Variants in ADGRB1 observed in about 807,000 individuals in gnomAD.
ADGRB1 encodes the protein brain-specific angiogenesis inhibitor 1.
A neutral mutation model predicts 175.7 loss-of-function variants in ADGRB1; 36 were observed. The ratio of observed to expected loss-of-function variants is 0.20; its 90% CI spans 0.16 to 0.27. The LOEUF (loss-of-function observed/expected upper bound fraction) is 0.27, where lower values mean the gene tolerates loss of function less well. Among genes scored for constraint, ADGRB1 ranks in the 10% least tolerant of loss-of-function variants. The pLI is 1.00. For missense variants in ADGRB1, 1,731 were observed against 2,255.3 expected (o/e 0.77, Z 4.71); for synonymous variants, 1,054 against 979.4 (o/e 1.08, Z -1.42).
At chr8:142,521,253 G>A (rs568043617) in intron 20 of ADGRB1, among the ~76,000 whole-genome samples, 1 of 152,300 alleles carries the variant, frequency 6.6e-6, no homozygotes, top group African/African-American at 2.4e-5. Context: ...GGGCTGGGGA[G>A]TGGCACTCAA....
chr8:142,473,157 G>A (rs1840754624), intron 2 of ADGRB1, among the ~76,000 whole-genome samples: 1 of 152,184 alleles, frequency 6.6e-6, no homozygotes, highest in Non-Finnish European at 1.5e-5. Flanking sequence ...GAACCGAGTG[G>A]CATCCTCCGA....
chr8:142,518,449 T>C (rs1369929360), intron 19 of ADGRB1, among the ~76,000 whole-genome samples: 2 of 152,186 alleles, frequency 1.3e-5, no homozygotes, highest in East Asian at 1.9e-4. Flanking sequence ...ACACTCATAA[T>C]GTGTACATGC....
intron 17 of ADGRB1, among the ~76,000 whole-genome samples, chr8:142,497,504 T>G: frequency 6.8e-6 from 1 of 146,316 alleles, no homozygotes. Flanking sequence ...GGGGGAGGGG[T>G]GCAGGGGGAG....
In ADGRB1 at chr8:142,460,296, A is replaced by C. The variant is rs1839908118; in HGVS notation, c.-219-3684A>C. On this transcript the variant is annotated intron_variant, in intron 1 of 30. Transcript: ENST00000517894. ...GTGGCAGGTGGGGAGGCCCGTGCCCACTGGCAGGCTCAGGGGCCATCAGCC... is the reference window on the plus strand; with the variant it reads ...GTGGCAGGTGGGGAGGCCCGTGCCCCCTGGCAGGCTCAGGGGCCATCAGCC... 2.0e-5 allele frequency among the ~76,000 whole-genome samples: 3 copies of C among 152,300 alleles called. No homozygotes were observed. The South Asian group carries it at 6.2e-4, about 32-fold the overall frequency.
At chr8:142,518,387 C>A in intron 19 of ADGRB1, 146 bp downstream of exon 19, 1 of 769,098 alleles carries the variant, frequency 1.3e-6, no homozygotes, top group Non-Finnish European at 2.1e-6. Context: ...GCCACGGAAC[C>A]AGCCATGCTG....
chr8:142,508,595 C>T (rs1842942569), intron 17 of ADGRB1, among the ~76,000 whole-genome samples: 1 of 152,240 alleles, frequency 6.6e-6, no homozygotes. Flanking sequence ...GACTTTTCGG[C>T]CATCCTGTGT....
intron 26 of ADGRB1, among the ~76,000 whole-genome samples, chr8:142,538,626 C>A (rs1845077769): frequency 6.6e-6 from 1 of 152,196 alleles, no homozygotes; most frequent in South Asian, 2.1e-4. Context: ...CCCCAGGGCC[C>A]CTGGAGAAGG....
At chr8:142,488,232 C>A in intron 13 of ADGRB1, 132 bp from the exon 14 acceptor site, 1 of 1,315,642 alleles carries the variant, frequency 7.6e-7, no homozygotes, top group South Asian at 1.3e-5. Flanking sequence ...ACACTCCTGC[C>A]TCTGAGCCAT....
At chr8:142,523,554 C>G (rs941536305) in intron 22 of ADGRB1, among the ~76,000 whole-genome samples, 2 of 151,742 alleles carry the variant, frequency 1.3e-5, no homozygotes, top group African/African-American at 2.4e-5. Flanking sequence ...ACACTGTCCC[C>G]AGAGATGAGA....
intron 20 of ADGRB1, among the ~76,000 whole-genome samples, chr8:142,521,758 G>A (rs901713669): frequency 8.5e-5 from 13 of 152,244 alleles, no homozygotes; most frequent in Non-Finnish European, 1.5e-4. Flanking sequence ...GGGAGGATCT[G>A]TTTGTCCCAA....
chr8:142,459,265 G>T (rs1839844205), intron 1 of ADGRB1, among the ~76,000 whole-genome samples: 1 of 152,198 alleles, frequency 6.6e-6, no homozygotes, highest in Non-Finnish European at 1.5e-5. Context: ...GGATTTTGAG[G>T]GACCAGGGCC....
chr8:142,531,403 C>T (rs1014217755), intron 24 of ADGRB1, among the ~76,000 whole-genome samples: 2 of 152,180 alleles, frequency 1.3e-5, no homozygotes, highest in African/African-American at 4.8e-5. Context: ...GGGAGCAGCA[C>T]GGTCATGGGC....
At chr8:142,539,604 G>A (rs971536127) in intron 27 of ADGRB1, 191 bp downstream of exon 27, 19 of 666,728 alleles carry the variant, frequency 2.8e-5, no homozygotes, top group Non-Finnish European at 4.4e-5. Flanking sequence ...TTCCACCCCC[G>A]TCCACTTCCT....
chr8:142,544,910 C>G lies in ADGRB1; in HGVS notation c.*493C>G, dbSNP rs1043284517. On this transcript the variant is annotated 3_prime_UTR_variant, in exon 31 of 31. Transcript: ENST00000517894. ...GGGCACAGCCCTCCGACCCTCATGG[C>G]CCCCAGGGGCAGGACTGAGTCCCCT... 1 of 153,206 alleles carries G rather than the reference C, an allele frequency of 6.5e-6. No homozygotes were observed. The highest frequency in any genetic ancestry group is 1.5e-5 in the Non-Finnish European group (1 of 68,570). The allele number at this position is 153,206 out of a possible 1,614,324, so 9.5% of individuals were successfully genotyped here.
rs921989959 is a variant in ADGRB1, at chr8:142,464,647, C to A, written c.449C>A (p.Pro150Gln). The A allele has an allele frequency of 3.3e-6, 5 of 1,519,342 alleles. No homozygotes were observed. The East Asian group carries it at 1.3e-4, about 39-fold the overall frequency. The allele number at this position is 1,519,342 out of a possible 1,614,324, so 94.1% of individuals were successfully genotyped here. ...KQFLQMRRQQ[P>Q]PQHDGLRPRA... ...TTCCTGCAGATGCGGCGCCAGCAGC[C>A]GCCCCAGCACGACGGGCTCCGGCCC... Residue 150 changes from proline to glutamine, a missense_variant, in exon 2 of 31, where the codon CCG becomes CAG. Physicochemically the swap from Pro to Gln is moderately conservative, Grantham distance 76. This residue lies in a region of ADGRB1 where 383 missense variants were observed against 383.1 expected (regional missense o/e 1.00). Transcript: ENST00000517894.
rs921989959 is a variant in ADGRB1 at position 142,464,647 on chromosome 8, C to T, written c.449C>T (p.Pro150Leu). Residue 150 changes from proline (P) to leucine (L), a missense_variant, in exon 2 of 31, where the codon CCG becomes CTG. This residue lies in a region of ADGRB1 where 383 missense variants were observed against 383.1 expected (regional missense o/e 1.00). Coordinates refer to ENST00000517894, the MANE Select transcript of ADGRB1 (RefSeq NM_001702.3). ...TTCCTGCAGATGCGGCGCCAGCAGC[C>T]GCCCCAGCACGACGGGCTCCGGCCC... ...KQFLQMRRQQ[P>L]PQHDGLRPRA... is the part of the protein sequence containing the mutation. 2 of 1,519,342 alleles carry T rather than the reference C, an allele frequency of 1.3e-6. No homozygotes were observed. The highest frequency in any genetic ancestry group is 2.0e-5 in the Admixed American group (1 of 48,792). 94.1% of individuals were successfully genotyped at this position (1,519,342 alleles called of 1,614,324 possible). A position where few individuals can be genotyped will look rare whatever the true frequency, so the allele number is the denominator to read the frequency against.
intron 11 of ADGRB1, among the ~76,000 whole-genome samples, chr8:142,482,582 A>C (rs1293782148): frequency 6.8e-6 from 1 of 147,556 alleles, no homozygotes; most frequent in Non-Finnish European, 1.5e-5. Flanking sequence ...CTGGTCACAC[A>C]CTGAGCCCTG....
intron 17 of ADGRB1, among the ~76,000 whole-genome samples, chr8:142,495,977 G>A (rs1010352971): frequency 6.6e-5 from 10 of 151,722 alleles, no homozygotes; most frequent in African/African-American, 2.2e-4. Flanking sequence ...ATACGTGGGT[G>A]GCTGGATGGA....
At chr8:142,477,066 T>A (rs1360211476) in intron 4 of ADGRB1, 48 bp from the exon 5 acceptor site, 1 of 1,473,838 alleles carries the variant, frequency 6.8e-7, no homozygotes. Flanking sequence ...CCGGTCTGAC[T>A]GCAGCCCCAT....
Sources: gnomAD v4.1 joint callset for allele counts (sites outside exome capture counted in the v4.1 genomes callset) on GRCh38, gnomAD v4.1.1 for gene constraint, gnomAD v4.1.1 regional missense constraint, MANE v1.5 for transcripts, NCBI Gene and HGNC (gene_info 2026-07-23, HGNC 2026-07-21) for gene names.